PTK2: variants seen among roughly 807,000 people sequenced by gnomAD.
PTK2 encodes the protein protein tyrosine kinase 2.
In PTK2, 45 loss-of-function variants were observed where a neutral mutation model predicts 150.1. That is an observed-to-expected ratio of 0.30 (90% confidence interval 0.24 to 0.38). PTK2 has a LOEUF of 0.38. PTK2 is among the 10% of genes least tolerant of loss of function. PTK2 has a pLI of 1.00. For missense variants in PTK2, 919 were observed against 1,307.3 expected (o/e 0.70, Z 4.58); for synonymous variants, 432 against 449.2 (o/e 0.96, Z 0.48).
At chr8:140,715,259 G>A (rs1316145581) in intron 23 of PTK2, among the ~76,000 whole-genome samples, 1 of 124,318 alleles carries the variant, frequency 8.0e-6, no homozygotes, top group Non-Finnish European at 1.6e-5. Flanking sequence ...TGCAATCTCT[G>A]CCTCCTGAGT....
At chr8:140,775,173 G>A (rs996357768) in intron 14 of PTK2, among the ~76,000 whole-genome samples, 9 of 151,982 alleles carry the variant, frequency 5.9e-5, no homozygotes, top group Non-Finnish European at 1.3e-4. Flanking sequence ...TCCCTCTTTC[G>A]GGGGAACCAG....
At position 140,879,644 on chromosome 8, in the gene PTK2, C is replaced by CAT; in HGVS notation, c.196-9_196-8dup. ...CTATCTTCTGAATGATGCCCTAAAA[C>CAT]ATACCCCCCACAAGAATGACTGTTA... On this transcript the variant is annotated splice_polypyrimidine_tract_variant and splice_region_variant and intron_variant, in intron 3 of 31. Transcript: ENST00000522684. The CAT allele has an allele frequency of 3.5e-6, 2 of 563,756 alleles. No individual in the cohort carries two copies. The highest frequency in any genetic ancestry group is 5.6e-6 in the Non-Finnish European group (2 of 356,066). The allele number at this position is 563,756 out of a possible 1,614,324, so 34.9% of individuals were successfully genotyped here.
At chr8:140,737,851 A>AG (rs2154410921) in intron 21 of PTK2, among the ~76,000 whole-genome samples, 1 of 152,360 alleles carries the variant, frequency 6.6e-6, no homozygotes, top group African/African-American at 2.4e-5. Context: ...TGGATCACAC[A>AG]GATAATAATC....
intron 1 of PTK2, among the ~76,000 whole-genome samples, chr8:140,992,879 A>T (rs2100196273): frequency 1.3e-5 from 2 of 152,236 alleles, no homozygotes. Flanking sequence ...CATAACTCAC[A>T]CTTCAACATT....
chr8:140,851,475 T>C (rs909086310), intron 5 of PTK2, among the ~76,000 whole-genome samples: 7 of 152,238 alleles, frequency 4.6e-5, no homozygotes, highest in African/African-American at 1.2e-4. Flanking sequence ...CTATTGAGGA[T>C]AGACCATAAA....
chr8:140,739,072 G>C (rs2100054197), exon 21 of PTK2: 1 of 1,565,996 alleles, frequency 6.4e-7, no homozygotes, highest in Non-Finnish European at 8.7e-7. Flanking sequence ...ATTGACTCTG[G>C]AGCCATCCAT....
At chr8:140,915,885 G>C (rs977006155) in intron 2 of PTK2, among the ~76,000 whole-genome samples, 2 of 148,886 alleles carry the variant, frequency 1.3e-5, no homozygotes, top group African/African-American at 4.9e-5. Context: ...CTGGTGACAA[G>C]AGCAAAACTC....
intron 2 of PTK2, among the ~76,000 whole-genome samples, chr8:140,898,112 CT>C (rs2100157038): frequency 1.3e-5 from 2 of 152,144 alleles, no homozygotes. Context: ...CAGACCAATA[CT>C]TTTGTAAAAT....
intron 1 of PTK2, among the ~76,000 whole-genome samples, chr8:140,949,630 C>T (rs1158716691): frequency 6.6e-6 from 1 of 152,260 alleles, no homozygotes; most frequent in African/African-American, 2.4e-5. Context: ...CGCCCTGGCC[C>T]ACTCCAGACT....
chr8:140,698,499 G>A lies in PTK2; in HGVS notation c.2499+2392C>T, dbSNP rs572652840. Among the ~76,000 whole-genome samples the A allele has an allele frequency of 3.3e-5, 5 of 152,192 alleles. No individual in the cohort carries two copies. The South Asian group carries it at 1.0e-3, about 32-fold the overall frequency. On this transcript the variant is annotated intron_variant, in intron 26 of 31. Coordinates refer to ENST00000522684, the Ensembl canonical transcript of PTK2. The stretch of plus-strand genomic sequence containing the variant: ...GACAGAGTCTGACTCTGTCACCCAG[G>A]CTGGAGTGCAGTGGTACCATCTTGG...
chr8:140,876,288 A>G (rs964640662), intron 4 of PTK2, among the ~76,000 whole-genome samples: 12 of 152,200 alleles, frequency 7.9e-5, no homozygotes, highest in African/African-American at 1.2e-4. Context: ...CAAATCCTCT[A>G]AGGAAAATGT....
intron 12 of PTK2, among the ~76,000 whole-genome samples, chr8:140,800,136 G>C (rs980141754): frequency 9.2e-5 from 14 of 151,924 alleles, no homozygotes; most frequent in Non-Finnish European, 1.8e-4. Flanking sequence ...TTTAAACCCA[G>C]AATTTTATTT....
chr8:140,669,007 C>T (rs73714716), intron 29 of PTK2: 5,288 of 153,008 alleles, frequency 0.035, 289 homozygotes, highest in African/African-American at 0.12. Context: ...GCAGTGGTGT[C>T]GCTAGGAGCC....
chr8:140,894,039 G>A (rs1281915359), intron 2 of PTK2, among the ~76,000 whole-genome samples: 1 of 152,156 alleles, frequency 6.6e-6, no homozygotes, highest in Non-Finnish European at 1.5e-5. Context: ...CTAAATGTCT[G>A]TGTGCTCCCA....
At chr8:140,738,752 G>A (rs1487988258) in intron 21 of PTK2, among the ~76,000 whole-genome samples, 1 of 152,170 alleles carries the variant, frequency 6.6e-6, no homozygotes, top group Non-Finnish European at 1.5e-5. Flanking sequence ...GAGGAAAGAA[G>A]AGACAGCAAA....
intron 1 of PTK2, among the ~76,000 whole-genome samples, chr8:140,974,021 A>G (rs371680286): frequency 6.6e-5 from 10 of 152,262 alleles, no homozygotes; most frequent in East Asian, 5.8e-4. Flanking sequence ...TCTGCTCCAT[A>G]TGGAGCAGCT....
intron 27 of PTK2, among the ~76,000 whole-genome samples, chr8:140,678,599 C>T (rs2100015173): frequency 6.6e-6 from 1 of 152,162 alleles, no homozygotes; most frequent in Admixed American, 6.6e-5. Context: ...AGCGATCCAC[C>T]CATCTTGGCC....
chr8:140,767,444 T>TTA (rs2100072954), intron 14 of PTK2, among the ~76,000 whole-genome samples: 1 of 100,498 alleles, frequency 1.0e-5, no homozygotes, highest in Admixed American at 1.1e-4. Flanking sequence ...ACCCTCTATA[T>TTA]ATGAGTTTCA....
At chr8:140,980,917 ATT>A (rs750098819) in intron 1 of PTK2, among the ~76,000 whole-genome samples, 9 of 135,750 alleles carry the variant, frequency 6.6e-5, no homozygotes, top group South Asian at 2.4e-4. Context: ...TGGCCAGCTA[ATT>A]TTTTTTTTTT....
Sources: gnomAD v4.1 joint callset for allele counts (sites outside exome capture counted in the v4.1 genomes callset) on GRCh38, gnomAD v4.1.1 for gene constraint, MANE v1.5 for transcripts, NCBI Gene and HGNC (gene_info 2026-07-23, HGNC 2026-07-21) for gene names.